Variants in EPHA6 observed in about 807,000 individuals in gnomAD.
EPHA6 encodes the protein ephrin type-A receptor 6.
EPHA6 carries 50 observed loss-of-function variants against 112.0 expected under a neutral mutation model. The observed-to-expected ratio is 0.45, with a 90% confidence interval of 0.36 to 0.56. The LOEUF (loss-of-function observed/expected upper bound fraction) is 0.56. EPHA6 is among the 20% of genes least tolerant of loss of function. The probability of loss-of-function intolerance (pLI) is 0.00; values close to 1 mark genes in which losing one functional copy is unlikely to be tolerated. For missense variants in EPHA6, 1,280 were observed against 1,417.4 expected (o/e 0.90, Z 1.56); for synonymous variants, 529 against 490.7 (o/e 1.08, Z -1.03).
At chr3:97,228,412 A>G (rs550367806) in intron 4 of EPHA6, among the ~76,000 whole-genome samples, 1 of 152,132 alleles carries the variant, frequency 6.6e-6, no homozygotes, top group African/African-American at 2.4e-5. Context: ...AGAACATATG[A>G]TGTTTGGTTT....
intron 11 of EPHA6, among the ~76,000 whole-genome samples, chr3:97,572,107 T>C (rs1312280484): frequency 6.6e-6 from 1 of 152,108 alleles, no homozygotes; most frequent in Non-Finnish European, 1.5e-5. Context: ...TATGTTGTTC[T>C]GATTAATGCC....
intron 11 of EPHA6, among the ~76,000 whole-genome samples, chr3:97,555,521 G>A (rs2093093738): frequency 6.6e-6 from 1 of 152,140 alleles, no homozygotes; most frequent in South Asian, 2.1e-4. Context: ...TTCCACAATG[G>A]TTGAACTAGT....
intron 14 of EPHA6, among the ~76,000 whole-genome samples, chr3:97,676,496 A>G (rs909879469): frequency 6.6e-6 from 1 of 152,230 alleles, no homozygotes; most frequent in Non-Finnish European, 1.5e-5. Context: ...CCCTGAAACT[A>G]GGAAGTATAA....
At chr3:97,735,809 C>A in intron 15 of EPHA6, 116 bp from the exon 16 acceptor site, 1 of 707,980 alleles carries the variant, frequency 1.4e-6, no homozygotes, top group Non-Finnish European at 2.2e-6. Flanking sequence ...CTTGTACTCA[C>A]AAGTAGTTTT....
intron 5 of EPHA6, among the ~76,000 whole-genome samples, chr3:97,327,900 TG>T (rs2082526000): frequency 7.8e-6 from 1 of 128,076 alleles, no homozygotes; most frequent in African/African-American, 4.0e-5. Context: ...TATATGTATA[TG>T]TGTGTATATA....
chr3:96,850,177 G>A (rs570144022), intron 1 of EPHA6, among the ~76,000 whole-genome samples: 10 of 152,152 alleles, frequency 6.6e-5, no homozygotes, highest in African/African-American at 2.2e-4. Context: ...GTGGAGAAGG[G>A]CTACTTTAGT....
intron 3 of EPHA6, among the ~76,000 whole-genome samples, chr3:97,040,915 C>T (rs2045290264): frequency 6.6e-6 from 1 of 151,978 alleles, no homozygotes; most frequent in Admixed American, 6.6e-5. Flanking sequence ...GAATGTAACA[C>T]CAAAGGACCT....
rs185122095 is a variant in EPHA6, at chr3:97,481,034, G to A, written c.2074+1670G>A. The A allele has an allele frequency of 1.6e-3, 629 of 394,478 alleles. 5 individuals carry two copies. Among genetic ancestry groups the A allele is most frequent in the African/African-American group, 0.012 (587 of 48,008 alleles). 24.4% of individuals were successfully genotyped at this position (394,478 alleles called of 1,614,324 possible). ...GGGGCTCCTCACATCCCAGATGATG[G>A]GCGGCCAGGCAGAGAGGCTCCTCAC... On this transcript the variant is annotated intron_variant, in intron 9 of 17. Transcript: ENST00000389672.
In EPHA6 at chr3:97,316,162, C is replaced by T. The variant is rs373582124; in HGVS notation, c.1606+71875C>T. 7.6e-4 allele frequency among the ~76,000 whole-genome samples: 116 copies of T among 151,844 alleles called. 2 individuals carry two copies. The highest frequency in any genetic ancestry group is 2.5e-3 in the African/African-American group (102 of 41,432). On this transcript the variant is annotated intron_variant, in intron 5 of 17. Transcript: ENST00000389672. Reference sequence around the variant, plus strand: ...TAAGTTTTATCAAATATATTTCCCTCAAGATATGGGAGAATATGAGCTGTC... The same window carrying T: ...TAAGTTTTATCAAATATATTTCCCTTAAGATATGGGAGAATATGAGCTGTC...
chr3:97,587,167 C>T (rs887922227), intron 11 of EPHA6, among the ~76,000 whole-genome samples: 3 of 151,800 alleles, frequency 2.0e-5, no homozygotes, highest in Admixed American at 1.3e-4. Context: ...CGCTTGAACC[C>T]GGGAGGCAGA....
At chr3:97,433,473 A>G (rs1233508443) in intron 6 of EPHA6, among the ~76,000 whole-genome samples, 1 of 152,172 alleles carries the variant, frequency 6.6e-6, no homozygotes, top group Non-Finnish European at 1.5e-5. Context: ...ACTTTGGAAC[A>G]TATGAATATA....
chr3:97,732,679 G>A (rs1444627653), intron 15 of EPHA6, among the ~76,000 whole-genome samples: 1 of 151,974 alleles, frequency 6.6e-6, no homozygotes, highest in Non-Finnish European at 1.5e-5. Flanking sequence ...CTCTTGTTAT[G>A]ATTATTTGTC....
At chr3:97,141,831 A>C (rs2075913429) in intron 3 of EPHA6, among the ~76,000 whole-genome samples, 1 of 151,986 alleles carries the variant, frequency 6.6e-6, no homozygotes, top group Admixed American at 6.6e-5. Context: ...AACAAAGATC[A>C]GAGCACAAAT....
chr3:97,379,751 CAAAAAAAAAAA>C (rs71623570), intron 5 of EPHA6, among the ~76,000 whole-genome samples: 98 of 30,560 alleles, frequency 3.2e-3, no homozygotes, highest in East Asian at 7.1e-3. Flanking sequence ...TCTGTCTCCC[CAAAAAAAAAAA>C]AAAAAAAAAA....
At chr3:96,894,770 A>G (rs148387585) in intron 2 of EPHA6, among the ~76,000 whole-genome samples, 19 of 152,228 alleles carry the variant, frequency 1.2e-4, no homozygotes, top group African/African-American at 4.6e-4. Flanking sequence ...GTTCCTGAGA[A>G]ATTGCTTAAG....
intron 7 of EPHA6, among the ~76,000 whole-genome samples, chr3:97,459,382 T>G (rs776830712): frequency 6.6e-6 from 1 of 152,154 alleles, no homozygotes; most frequent in African/African-American, 2.4e-5. Flanking sequence ...TGACAAGCCC[T>G]CTGGGTTATT....
At chr3:97,210,018 T>C (rs942674829) in intron 3 of EPHA6, among the ~76,000 whole-genome samples, 6 of 152,204 alleles carry the variant, frequency 3.9e-5, no homozygotes, top group African/African-American at 1.4e-4. Context: ...AAAGCAATAT[T>C]AGTTTCACCT....
intron 15 of EPHA6, among the ~76,000 whole-genome samples, chr3:97,731,954 C>T (rs2035054513): frequency 1.3e-5 from 2 of 151,970 alleles, no homozygotes; most frequent in Admixed American, 6.6e-5. Flanking sequence ...ACTTCTTGAA[C>T]ACCACAGCCA....
intron 1 of EPHA6, among the ~76,000 whole-genome samples, chr3:96,866,036 A>T (rs79075281): frequency 2.6e-5 from 4 of 151,562 alleles, no homozygotes; most frequent in Non-Finnish European, 5.9e-5. Flanking sequence ...ATTCTAAAAT[A>T]AAAAAAAATC....
Sources: allele counts gnomAD v4.1 joint callset (sites outside exome capture counted in the v4.1 genomes callset), GRCh38; gene constraint gnomAD v4.1.1; transcripts MANE v1.5; gene names NCBI Gene and HGNC (gene_info 2026-07-23, HGNC 2026-07-21).